FBXL7: variants seen among roughly 807,000 people sequenced by gnomAD.
FBXL7 encodes F-box/LRR-repeat protein 7.
FBXL7 carries 12 observed loss-of-function variants against 38.3 expected under a neutral mutation model. The observed-to-expected ratio is 0.31, with a 90% CI of 0.20 to 0.51. The LOEUF (loss-of-function observed/expected upper bound fraction) is 0.51, where lower values mean the gene tolerates loss of function less well. Among genes scored for constraint, FBXL7 ranks in the 20% least tolerant of loss-of-function variants. The pLI, the probability that FBXL7 is intolerant of heterozygous loss-of-function variation, is 0.98. For synonymous variants in FBXL7, 297 were observed against 300.9 expected (o/e 0.99, Z 0.13); for missense variants, 567 against 676.4 (o/e 0.84, Z 1.79).
At chr5:15,900,076 G>A (rs1251878980) in intron 2 of FBXL7, among the ~76,000 whole-genome samples, 1 of 151,628 alleles carries the variant, frequency 6.6e-6, no homozygotes, top group East Asian at 1.9e-4. Flanking sequence ...TTTTCTTCCA[G>A]CATATAGGGA....
At chr5:15,929,320 CT>C (rs1315483350) in intron 3 of FBXL7, among the ~76,000 whole-genome samples, 6 of 152,208 alleles carry the variant, frequency 3.9e-5, no homozygotes, top group Non-Finnish European at 8.8e-5. Context: ...ATCTTTAGTG[CT>C]TTTAAAAATT....
At chr5:15,623,570 C>T (rs2126530926) in intron 2 of FBXL7, among the ~76,000 whole-genome samples, 1 of 152,310 alleles carries the variant, frequency 6.6e-6, no homozygotes, top group Middle Eastern at 3.4e-3. Flanking sequence ...AATGCCCAGA[C>T]ATCTGGCTTT....
intron 3 of FBXL7, among the ~76,000 whole-genome samples, chr5:15,931,849 T>C (rs1579613365): frequency 6.6e-6 from 1 of 152,246 alleles, no homozygotes; most frequent in East Asian, 1.9e-4. Context: ...CTGAACAGAC[T>C]TTTCATTGCT....
chr5:15,677,154 A>G (rs1047196349), intron 2 of FBXL7, among the ~76,000 whole-genome samples: 1 of 152,226 alleles, frequency 6.6e-6, no homozygotes, highest in African/African-American at 2.4e-5. Context: ...AGAAGTAGTT[A>G]TGAAATTTAA....
intron 2 of FBXL7, among the ~76,000 whole-genome samples, chr5:15,621,169 GC>G (rs1295918371): frequency 6.6e-6 from 1 of 152,188 alleles, no homozygotes; most frequent in Non-Finnish European, 1.5e-5. Flanking sequence ...TAAAGCCACA[GC>G]CCTTGTAAAG....
intron 2 of FBXL7, among the ~76,000 whole-genome samples, chr5:15,869,691 T>C (rs1408528582): frequency 1.3e-5 from 2 of 152,174 alleles, no homozygotes; most frequent in African/African-American, 2.4e-5. Context: ...AAAACATATT[T>C]TGAGCATATA....
chr5:15,770,035 G>A (rs1736687317), intron 2 of FBXL7, among the ~76,000 whole-genome samples: 1 of 152,040 alleles, frequency 6.6e-6, no homozygotes, highest in African/African-American at 2.4e-5. Flanking sequence ...CAATAGTATT[G>A]ACTTTTGATT....
chr5:15,674,047 C>T (rs982034452), intron 2 of FBXL7, among the ~76,000 whole-genome samples: 6 of 152,152 alleles, frequency 3.9e-5, no homozygotes, highest in African/African-American at 1.4e-4. Context: ...GCTTTAGAGC[C>T]TTTCAGGTTA....
chr5:15,914,157 C>T (rs984164417), intron 2 of FBXL7, among the ~76,000 whole-genome samples: 3 of 152,090 alleles, frequency 2.0e-5, no homozygotes, highest in East Asian at 3.9e-4. Context: ...GAGGCCGAGG[C>T]GGGCGGATCT....
At chr5:15,745,441 A>G (rs1735989783) in intron 2 of FBXL7, among the ~76,000 whole-genome samples, 1 of 152,226 alleles carries the variant, frequency 6.6e-6, no homozygotes, top group African/African-American at 2.4e-5. Flanking sequence ...CATGGACTTT[A>G]TATTTTAGGG....
intron 2 of FBXL7, among the ~76,000 whole-genome samples, chr5:15,781,810 G>A (rs566642940): frequency 1.3e-5 from 2 of 152,216 alleles, no homozygotes; most frequent in Non-Finnish European, 2.9e-5. Context: ...GAGCTGAGGA[G>A]TTGAGAGAAG....
At chr5:15,872,541 CAT>C (rs1370315680) in intron 2 of FBXL7, among the ~76,000 whole-genome samples, 3 of 152,266 alleles carry the variant, frequency 2.0e-5, no homozygotes, top group Non-Finnish European at 4.4e-5. Flanking sequence ...AGACCCATCT[CAT>C]GTGCAAAGAC....
In FBXL7 at chr5:15,936,713, C is replaced by A; in HGVS notation, c.1003C>A (p.Arg335Ser). ...CAAGGAGCTGAGCGTCAGCGACTGC[C>A]GCTTCGTCAGCGACTTCGGCCTGCG... ...SIKELSVSDC[R>S]FVSDFGLREI... The change falls in exon 4 of 4, where the codon CGC becomes AGC. Residue 335 changes from arginine (R) to serine (S), a missense_variant. Transcript: ENST00000504595. This position sits in a 1 kb window ranked among gnomAD's most constrained non-coding sequence, Gnocchi z 6.0. 6.2e-7 allele frequency: 1 copy of A among 1,608,380 alleles called. No homozygotes were observed. Among genetic ancestry groups the A allele is most frequent in the Non-Finnish European group, 8.5e-7 (1 of 1,179,448 alleles).
intron 2 of FBXL7, among the ~76,000 whole-genome samples, chr5:15,821,594 TTGG>T (rs74482140): frequency 0.53 from 80,807 of 151,872 alleles, 22,713 homozygotes; most frequent in Non-Finnish European, 0.63. Flanking sequence ...AAGGACTTGC[TTGG>T]TGGTTATCAG....
chr5:15,604,783 G>GT (rs1422718007), intron 1 of FBXL7, among the ~76,000 whole-genome samples: 1 of 152,242 alleles, frequency 6.6e-6, no homozygotes, highest in East Asian at 1.9e-4. Context: ...TGCTTGTGTG[G>GT]TATTGAGTGG....
chr5:15,621,083 A>C (rs1231533969), intron 2 of FBXL7, among the ~76,000 whole-genome samples: 1 of 152,164 alleles, frequency 6.6e-6, no homozygotes, highest in African/African-American at 2.4e-5. Context: ...TCATGAGAGA[A>C]TGGCATTTTT....
At chr5:15,866,544 T>A (rs1241984097) in intron 2 of FBXL7, among the ~76,000 whole-genome samples, 2 of 152,138 alleles carry the variant, frequency 1.3e-5, no homozygotes, top group African/African-American at 4.8e-5. Context: ...ACTTTTTTTT[T>A]ATTTCTTCTA....
chr5:15,871,803 A>G (rs745510679), intron 2 of FBXL7, among the ~76,000 whole-genome samples: 3 of 152,182 alleles, frequency 2.0e-5, no homozygotes, highest in Non-Finnish European at 4.4e-5. Context: ...GAAAAAACCA[A>G]CGTTTGATTG....
At chr5:15,897,095 T>C (rs1334653202) in intron 2 of FBXL7, among the ~76,000 whole-genome samples, 1 of 152,222 alleles carries the variant, frequency 6.6e-6, no homozygotes, top group Admixed American at 6.5e-5. Flanking sequence ...ATTGTGCCAC[T>C]GCACTCCAGC....
Sources: allele counts gnomAD v4.1 joint callset (sites outside exome capture counted in the v4.1 genomes callset), GRCh38; gene constraint gnomAD v4.1.1; non-coding constraint Gnocchi (gnomAD v3.1); transcripts MANE v1.5; gene names NCBI Gene and HGNC (gene_info 2026-07-23, HGNC 2026-07-21).